The following LIPG variants were observed in gnomAD, a reference collection of about 807,000 sequenced individuals.
LIPG encodes the protein endothelial lipase.
A neutral mutation model predicts 51.8 loss-of-function variants in LIPG; 34 were observed. That is an observed-to-expected ratio of 0.66 (90% CI 0.50 to 0.87). The LOEUF (loss-of-function observed/expected upper bound fraction) is 0.87. Among genes scored for constraint, LIPG ranks in the 40% least tolerant of loss-of-function variants. The pLI is 0.00. For missense variants in LIPG, 580 were observed against 652.7 expected, an observed-to-expected ratio of 0.89 and a Z score of 1.21; for synonymous variants, 246 against 246.1, an observed-to-expected ratio of 1.00 and a Z score of 0.00.
chr18:49,587,345 C>T (rs972141809), intron 9 of LIPG, among the ~76,000 whole-genome samples: 11 of 151,392 alleles, frequency 7.3e-5, no homozygotes, highest in African/African-American at 2.2e-4. Flanking sequence ...CTGAGGCAGG[C>T]GGATCACGAG....
chr18:49,589,394 A>C (rs1336291707), intron 9 of LIPG: 2 of 152,250 alleles, frequency 1.3e-5, no homozygotes, highest in African/African-American at 2.4e-5. Context: ...GTTTCCACAT[A>C]TATTAACTTC....
chr18:49,582,246 C>T, intron 6 of LIPG, 116 bp from the exon 7 acceptor site: 5 of 1,332,036 alleles, frequency 3.8e-6, no homozygotes, highest in Non-Finnish European at 5.4e-6. Context: ...GCAGGCTGGG[C>T]TCAACCAAAA....
chr18:49,568,334 T>C (rs1203751733), intron 3 of LIPG, among the ~76,000 whole-genome samples: 3 of 151,942 alleles, frequency 2.0e-5, no homozygotes, highest in Non-Finnish European at 4.4e-5. Context: ...CCAGCCTGCC[T>C]GATACCTCTT....
At chr18:49,568,537 T>C (rs898978905) in intron 3 of LIPG, among the ~76,000 whole-genome samples, 1 of 152,032 alleles carries the variant, frequency 6.6e-6, no homozygotes, top group Non-Finnish European at 1.5e-5. Flanking sequence ...TGAGCCACCA[T>C]GCCCAATTAA....
intron 8 of LIPG, among the ~76,000 whole-genome samples, chr18:49,586,251 G>A (rs567569472): frequency 5.3e-5 from 8 of 152,284 alleles, no homozygotes; most frequent in South Asian, 2.1e-4. Flanking sequence ...GAATCACTCC[G>A]TTCAAGTTTA....
At chr18:49,567,830 A>AT in intron 3 of LIPG, 1 of 558,102 alleles carries the variant, frequency 1.8e-6, no homozygotes, top group South Asian at 2.4e-5. Flanking sequence ...AGATCTCTGG[A>AT]TTTTTCCTGT....
intron 5 of LIPG, among the ~76,000 whole-genome samples, chr18:49,578,885 GCCTGCAATC>G (rs1485007285): frequency 1.3e-5 from 1 of 76,696 alleles, no homozygotes; most frequent in Admixed American, 1.1e-4. Context: ...GGTGGCGCGT[GCCTGCAATC>G]GCAGGCACTC....
At chr18:49,561,984 T>C, upstream of LIPG, 1 of 1,401,390 alleles carries the variant, frequency 7.1e-7, no homozygotes, top group Non-Finnish European at 9.3e-7. Flanking sequence ...GGGAATAAAT[T>C]ATGCAAATCA....
intron 5 of LIPG, 74 bp from the exon 6 acceptor site, chr18:49,581,341 C>T (rs552542588): frequency 7.7e-6 from 12 of 1,561,676 alleles, no homozygotes; most frequent in Middle Eastern, 1.7e-4. Flanking sequence ...TTGAGGAGTA[C>T]AGTATTTATT....
intron 5 of LIPG, among the ~76,000 whole-genome samples, chr18:49,578,647 G>C (rs1220988682): frequency 2.0e-5 from 3 of 151,078 alleles, no homozygotes; most frequent in Non-Finnish European, 4.4e-5. Context: ...CTGCAATCTC[G>C]GCACTTTGGG....
Position 49,581,560 on chromosome 18 carries a change from G to A in LIPG, c.939G>A (p.Lys313=), listed in dbSNP as rs1442449037. The change falls in exon 6 of 10, where the codon AAG becomes AAA. Residue 313 remains lysine, a synonymous_variant. Coordinates refer to ENST00000261292, the MANE Select transcript of LIPG (RefSeq NM_006033.4). ...FKKGICLSCR[K]NRCNSIGYNA... The stretch of plus-strand genomic sequence containing the variant: ...AGGGGATCTGTCTGAGCTGCCGCAA[G>A]AACCGTTGTAATAGCATTGGCTACA... The A allele has an allele frequency of 6.2e-7, 1 of 1,614,210 alleles. No homozygotes were observed. The highest frequency in any genetic ancestry group is 1.7e-5 in the Admixed American group (1 of 60,030).
Position 49,585,471 on chromosome 18 carries a change from ATTGT to A in LIPG, c.1377-1270_1377-1267del, listed in dbSNP as rs368247191. ...TACAATTTGATTTTTTCATTCTAAT[ATTGT>A]TTGTGAAATTTATCCAAAACATAAA... On this transcript the variant is annotated intron_variant, in intron 8 of 9. Transcript: ENST00000261292. Among the ~76,000 whole-genome samples the A allele has an allele frequency of 1.1e-4, 17 of 152,358 alleles. No homozygotes were observed. In the East Asian group the frequency reaches 3.3e-3, roughly 29 times the overall value.
chr18:49,578,122 A>AC lies in LIPG; in HGVS notation c.793+2541dup, dbSNP rs375560496. Among the ~76,000 whole-genome samples, 97 of 94,004 alleles carry AC rather than the reference A, an allele frequency of 1.0e-3. 1 individual carries two copies. The highest frequency in any genetic ancestry group is 0.01 in the East Asian group (31 of 3,088). The allele number at this position is 94,004 out of a possible 152,430, so 61.7% of individuals were successfully genotyped here. ...GGGCGGCTGGCCGGGCGGGGGGCTGACCCCCCCCCACCTCCCTCCCGGACG... is the reference window on the plus strand; with the variant it reads ...GGGCGGCTGGCCGGGCGGGGGGCTGACCCCCCCCCCACCTCCCTCCCGGACG... On this transcript the variant is annotated intron_variant, in intron 5 of 9. Coordinates refer to ENST00000261292, the MANE Select transcript of LIPG (RefSeq NM_006033.4).
At chr18:49,572,516 C>T (rs1466715361) in intron 4 of LIPG, among the ~76,000 whole-genome samples, 1 of 152,036 alleles carries the variant, frequency 6.6e-6, no homozygotes, top group Non-Finnish European at 1.5e-5. Context: ...CCCATGCTGT[C>T]AGATTCCAGA....
Position 49,581,501 on chromosome 18 carries a change from G to A in LIPG, c.880G>A (p.Ala294Thr). The A allele has an allele frequency of 1.2e-6, 2 of 1,614,180 alleles. No homozygotes were observed. Among genetic ancestry groups the A allele is most frequent in the East Asian group, 2.2e-5 (1 of 44,888 alleles). Reference protein sequence around the residue: ...SLVNQDKPSFAFQCTDSNRFK... With the variant: ...SLVNQDKPSFTFQCTDSNRFK... Reference sequence around the variant, plus strand: ...GGTGAATCAGGACAAGCCGAGTTTTGCCTTCCAGTGCACTGACTCCAATCG... The same window carrying A: ...GGTGAATCAGGACAAGCCGAGTTTTACCTTCCAGTGCACTGACTCCAATCG... The change falls in exon 6 of 10, where the codon GCC (alanine) becomes ACC (threonine). Residue 294 changes from alanine (A) to threonine (T), a missense_variant. By Grantham distance (58) the Ala-to-Thr change is moderately conservative (BLOSUM62 0). Transcript: ENST00000261292.
rs3744842 is a variant in LIPG, at chr18:49,590,883, C to T, written c.*361C>T. 170 of 370,976 alleles carry T rather than the reference C, an allele frequency of 4.6e-4. 1 individual carries two copies. The highest frequency in any genetic ancestry group is 3.5e-3 in the East Asian group (57 of 16,362). The allele number at this position is 370,976 out of a possible 1,614,324, so 23.0% of individuals were successfully genotyped here. The stretch of plus-strand genomic sequence containing the variant: ...TCTGCCTGACGAGGAACGCTGGCTC[C>T]GAAGAGGCCCTGTGTAGAAGGCTGT... On this transcript the variant is annotated 3_prime_UTR_variant, in exon 10 of 10. Coordinates refer to ENST00000261292, the MANE Select transcript of LIPG (RefSeq NM_006033.4).
chr18:49,573,759 C>G (rs1409662002), intron 4 of LIPG, among the ~76,000 whole-genome samples: 1 of 152,150 alleles, frequency 6.6e-6, no homozygotes, highest in East Asian at 1.9e-4. Context: ...CTCCCTGGTT[C>G]TAATGTGCTG....
chr18:49,583,753 A>G lies in LIPG; in HGVS notation c.1355A>G (p.Lys452Arg). 1 of 1,613,088 alleles carries G rather than the reference A, an allele frequency of 6.2e-7. No homozygotes were observed. The highest frequency in any genetic ancestry group is 8.5e-7 in the Non-Finnish European group (1 of 1,179,792). ...RELNIRRIRVKSGETQRKLTF... is the reference protein window; with the variant it reads ...RELNIRRIRVRSGETQRKLTF... ...CTGAATATCAGGCGCATCCGGGTGA[A>G]GTCTGGGGAAACCCAGCGGAAGTAA... The change falls in exon 8 of 10, where the codon AAG becomes AGG. Residue 452 changes from lysine (K) to arginine (R), a missense_variant. By Grantham distance (26) the Lys-to-Arg change is conservative. Transcript: ENST00000261292.
intron 9 of LIPG, chr18:49,589,856 T>G (rs1170754913): frequency 6.4e-6 from 1 of 156,980 alleles, no homozygotes; most frequent in Non-Finnish European, 1.4e-5. Flanking sequence ...CTACTAATTT[T>G]AGAAAACAAG....
Sources: gnomAD v4.1 joint callset for allele counts (sites outside exome capture counted in the v4.1 genomes callset) on GRCh38, gnomAD v4.1.1 for gene constraint, MANE v1.5 for transcripts, NCBI Gene and HGNC (gene_info 2026-07-23, HGNC 2026-07-21) for gene names.